The following NR6A1 variants were observed in gnomAD, a reference collection of about 807,000 sequenced individuals.
NR6A1 encodes the protein nuclear receptor subfamily 6 group A member 1.
A neutral mutation model predicts 59.1 loss-of-function variants in NR6A1; 7 were observed. The observed-to-expected ratio is 0.12, with a 90% confidence interval of 0.07 to 0.22. The LOEUF is 0.22. NR6A1 is among the 10% of genes least tolerant of loss of function. NR6A1 has a pLI of 1.00. For missense variants in NR6A1, 468 were observed against 611.6 expected, an observed-to-expected ratio of 0.77 and a Z score of 2.48; for synonymous variants, 243 against 236.1, an observed-to-expected ratio of 1.03 and a Z score of -0.27.
intron 2 of NR6A1, among the ~76,000 whole-genome samples, chr9:124,617,997 A>G (rs1835949517): frequency 6.6e-6 from 1 of 152,148 alleles, no homozygotes; most frequent in Non-Finnish European, 1.5e-5. Flanking sequence ...CTGAAGCCCA[A>G]CCCCTGGGGA....
rs541438489 is a variant in NR6A1 at position 124,538,736 on chromosome 9, C to T, written c.597-417G>A. 2.6e-5 allele frequency among the ~76,000 whole-genome samples: 4 copies of T among 152,258 alleles called. No homozygotes were observed. The South Asian group carries it at 8.3e-4, about 32-fold the overall frequency. On this transcript the variant is annotated intron_variant, in intron 5 of 9. Coordinates refer to ENST00000487099, the MANE Select transcript of NR6A1 (RefSeq NM_033334.4). Reference sequence around the variant, plus strand: ...TGGCTAGGCCACAAAACAAATCCAGCATCTAGCAAGGAACCCGGCATGTGG... The same window carrying T: ...TGGCTAGGCCACAAAACAAATCCAGTATCTAGCAAGGAACCCGGCATGTGG...
intron 1 of NR6A1, among the ~76,000 whole-genome samples, chr9:124,760,123 C>A (rs1378925833): frequency 2.6e-5 from 4 of 151,030 alleles, no homozygotes; most frequent in African/African-American, 9.7e-5. Flanking sequence ...ACCAGCCTGG[C>A]CAACATGGTG....
chr9:124,742,002 A>G (rs1840184551), intron 1 of NR6A1, among the ~76,000 whole-genome samples: 1 of 152,240 alleles, frequency 6.6e-6, no homozygotes, highest in Non-Finnish European at 1.5e-5. Context: ...AAACATATTT[A>G]GAGGAAGCAG....
intron 8 of NR6A1, among the ~76,000 whole-genome samples, chr9:124,525,857 G>A (rs889751964): frequency 7.9e-5 from 12 of 152,124 alleles, no homozygotes; most frequent in African/African-American, 2.9e-4. Context: ...CAAGTAATAC[G>A]TCAAGTGCCA....
chr9:124,594,240 T>C (rs1226181407), intron 2 of NR6A1, among the ~76,000 whole-genome samples: 2 of 152,232 alleles, frequency 1.3e-5, no homozygotes, highest in African/African-American at 2.4e-5. Flanking sequence ...ATTTCCTTAT[T>C]TTATGAAAGT....
intron 2 of NR6A1, among the ~76,000 whole-genome samples, chr9:124,730,656 C>T (rs1839855965): frequency 6.7e-6 from 1 of 148,460 alleles, no homozygotes; most frequent in African/African-American, 2.5e-5. Flanking sequence ...CTATAAATTG[C>T]CATATCTAGC....
intron 1 of NR6A1, among the ~76,000 whole-genome samples, chr9:124,751,733 T>C (rs1017055215): frequency 2.0e-5 from 3 of 152,210 alleles, no homozygotes; most frequent in Non-Finnish European, 4.4e-5. Context: ...TTCAGAGATA[T>C]GGCTAGCATA....
chr9:124,693,780 G>T, intron 2 of NR6A1: 1 of 534,520 alleles, frequency 1.9e-6, no homozygotes, highest in Non-Finnish European at 3.8e-6. Context: ...ATCAATGAAT[G>T]CAAACTGCGG....
At chr9:124,768,140 C>T (rs1394920465) in intron 1 of NR6A1, among the ~76,000 whole-genome samples, 2 of 152,200 alleles carry the variant, frequency 1.3e-5, no homozygotes, top group African/African-American at 4.8e-5. Flanking sequence ...GTAAATTCAG[C>T]ATCAATGGTG....
At chr9:124,643,236 A>G (rs1363375860) in intron 2 of NR6A1, among the ~76,000 whole-genome samples, 1 of 151,950 alleles carries the variant, frequency 6.6e-6, no homozygotes, top group Non-Finnish European at 1.5e-5. Flanking sequence ...CTGAGGCGGG[A>G]AGATACTTGA....
At chr9:124,568,693 A>ACAC (rs1349982746) in intron 2 of NR6A1, among the ~76,000 whole-genome samples, 2 of 151,890 alleles carry the variant, frequency 1.3e-5, no homozygotes, top group Non-Finnish European at 2.9e-5. Flanking sequence ...TCACCCAAGG[A>ACAC]CACAGCAAAT....
chr9:124,706,351 T>C lies in NR6A1; in HGVS notation c.142+26957A>G, dbSNP rs1398977177. ...ATTTACTATTTCCACTGTTCATCATTTCTTCTTATGGATTTGAGTTACCAT... is the reference window on the plus strand; with the variant it reads ...ATTTACTATTTCCACTGTTCATCATCTCTTCTTATGGATTTGAGTTACCAT... On this transcript the variant is annotated intron_variant, in intron 2 of 9. Transcript: ENST00000487099. Among the ~76,000 whole-genome samples, 3 of 152,222 alleles carry C rather than the reference T, an allele frequency of 2.0e-5. No individual in the cohort carries two copies. The South Asian group carries it at 6.2e-4, about 32-fold the overall frequency.
At chr9:124,526,714 A>AG in intron 8 of NR6A1, 65 bp downstream of exon 8, 1 of 1,596,952 alleles carries the variant, frequency 6.3e-7, no homozygotes, top group Non-Finnish European at 8.6e-7. Context: ...GTGAAACAGG[A>AG]GGGCAAATGC....
intron 2 of NR6A1, among the ~76,000 whole-genome samples, chr9:124,573,168 G>C (rs539925564): frequency 6.6e-6 from 1 of 152,256 alleles, no homozygotes; most frequent in Non-Finnish European, 1.5e-5. Flanking sequence ...ATCCCCCCTG[G>C]GTAATTCATC....
chr9:124,580,706 G>C (rs1469759727), intron 2 of NR6A1, among the ~76,000 whole-genome samples: 1 of 152,112 alleles, frequency 6.6e-6, no homozygotes, highest in Non-Finnish European at 1.5e-5. Flanking sequence ...TGTAATCCCA[G>C]TTACTCAGGG....
At chr9:124,560,543 T>C (rs921528393) in intron 2 of NR6A1, among the ~76,000 whole-genome samples, 2 of 152,076 alleles carry the variant, frequency 1.3e-5, no homozygotes, top group African/African-American at 4.8e-5. Context: ...ATCCTGGAAA[T>C]AGTTATTCAA....
At chr9:124,584,095 G>GTT (rs1478663995) in intron 2 of NR6A1, among the ~76,000 whole-genome samples, 1 of 146,006 alleles carries the variant, frequency 6.8e-6, no homozygotes. Flanking sequence ...ATTGCACTTG[G>GTT]CTTTTTTTTT....
At chr9:124,668,592 A>AGT (rs1186643354) in intron 2 of NR6A1, among the ~76,000 whole-genome samples, 4 of 152,214 alleles carry the variant, frequency 2.6e-5, no homozygotes, top group African/African-American at 9.6e-5. Context: ...CTAATATCTT[A>AGT]GTGTAGTTCA....
chr9:124,660,802 C>A (rs949691015), intron 2 of NR6A1, among the ~76,000 whole-genome samples: 2 of 152,112 alleles, frequency 1.3e-5, no homozygotes, highest in Admixed American at 1.3e-4. Flanking sequence ...CAGGGAACTT[C>A]ATTCAATGCC....
Sources: allele counts gnomAD v4.1 joint callset (sites outside exome capture counted in the v4.1 genomes callset), GRCh38; gene constraint gnomAD v4.1.1; transcripts MANE v1.5; gene names NCBI Gene and HGNC (gene_info 2026-07-23, HGNC 2026-07-21).